Variants in SPOCK3 observed in about 807,000 individuals in gnomAD.
The protein encoded by SPOCK3 is SPARC (osteonectin), cwcv and kazal like domains proteoglycan 3, also known as testican-3.
Under a neutral mutation model 56.6 loss-of-function variants are expected in SPOCK3, and 30 were observed. The ratio of observed to expected loss-of-function variants is 0.53; its 90% confidence interval spans 0.40 to 0.72. The LOEUF (loss-of-function observed/expected upper bound fraction) is 0.72, where lower values mean the gene tolerates loss of function less well. Among genes scored for constraint, SPOCK3 ranks in the 30% least tolerant of loss-of-function variants. The pLI is 0.00. For missense variants in SPOCK3, 527 were observed against 530.0 expected (o/e 0.99, Z 0.06); for synonymous variants, 196 against 183.3 (o/e 1.07, Z -0.56).
At chr4:167,226,758 G>C (rs1275000520) in intron 2 of SPOCK3, among the ~76,000 whole-genome samples, 6 of 152,058 alleles carry the variant, frequency 3.9e-5, no homozygotes, top group Admixed American at 3.3e-4. Flanking sequence ...AACGCCTCCT[G>C]TTAGATAGGA....
At chr4:167,046,098 G>T (rs1561156132) in intron 3 of SPOCK3, among the ~76,000 whole-genome samples, 1 of 151,502 alleles carries the variant, frequency 6.6e-6, no homozygotes, top group Non-Finnish European at 1.5e-5. Flanking sequence ...CTTCTAACTT[G>T]TTTTTTTTAC....
At chr4:166,837,748 C>A (rs1746783008) in intron 6 of SPOCK3, among the ~76,000 whole-genome samples, 1 of 152,216 alleles carries the variant, frequency 6.6e-6, no homozygotes, top group South Asian at 2.1e-4. Flanking sequence ...TTGACTTTTA[C>A]TTTTTTGTAC....
intron 5 of SPOCK3, among the ~76,000 whole-genome samples, chr4:166,899,720 T>C (rs1193846653): frequency 6.6e-6 from 1 of 152,058 alleles, no homozygotes; most frequent in East Asian, 1.9e-4. Context: ...TTTCACCATA[T>C]TGGCCAGGCT....
At chr4:166,795,663 A>C (rs2126668821) in intron 6 of SPOCK3, among the ~76,000 whole-genome samples, 1 of 150,944 alleles carries the variant, frequency 6.6e-6, no homozygotes, top group African/African-American at 2.5e-5. Context: ...TTTAAATATT[A>C]ATAAAGTTGA....
chr4:166,840,494 T>C (rs1319626154), intron 6 of SPOCK3, among the ~76,000 whole-genome samples: 1 of 152,222 alleles, frequency 6.6e-6, no homozygotes, highest in Non-Finnish European at 1.5e-5. Context: ...TCTGTTTGTT[T>C]ATCTGTGCTC....
At chr4:166,995,257 G>GTGTA (rs143410658) in intron 4 of SPOCK3, among the ~76,000 whole-genome samples, 1 of 151,578 alleles carries the variant, frequency 6.6e-6, no homozygotes, top group Non-Finnish European at 1.5e-5. Flanking sequence ...GTATGTGTGT[G>GTGTA]TGTGTGCATA....
intron 4 of SPOCK3, among the ~76,000 whole-genome samples, chr4:166,982,161 A>G (rs997116965): frequency 6.6e-6 from 1 of 152,114 alleles, no homozygotes; most frequent in African/African-American, 2.4e-5. Context: ...CTCTGGCTCC[A>G]TGGAGCATGT....
intron 4 of SPOCK3, among the ~76,000 whole-genome samples, chr4:166,942,475 AAAAAAAAAAAACAAAAGTT>A (rs1741206847): frequency 6.6e-6 from 1 of 150,956 alleles, no homozygotes; most frequent in Non-Finnish European, 1.5e-5. Flanking sequence ...TCCACTTAAA[AAAAAAAAAAAACAAAAGTT>A]AAAAAAAAAA....
intron 4 of SPOCK3, among the ~76,000 whole-genome samples, chr4:166,992,295 T>C (rs1426838810): frequency 6.6e-6 from 1 of 152,142 alleles, no homozygotes; most frequent in Admixed American, 6.6e-5. Flanking sequence ...TATCCACATG[T>C]TGTTTTCATA....
At chr4:166,912,197 GT>G (rs1024163224) in intron 5 of SPOCK3, among the ~76,000 whole-genome samples, 47 of 151,984 alleles carry the variant, frequency 3.1e-4, no homozygotes, top group Non-Finnish European at 5.6e-4. Context: ...CTCTGATCCT[GT>G]TTTTTTCATC....
At chr4:166,903,652 TG>T (rs1357440802) in intron 5 of SPOCK3, among the ~76,000 whole-genome samples, 4 of 144,368 alleles carry the variant, frequency 2.8e-5, no homozygotes, top group African/African-American at 1.1e-4. Flanking sequence ...TATTGACAGG[TG>T]TTTTGTTTTT....
intron 2 of SPOCK3, among the ~76,000 whole-genome samples, chr4:167,097,233 A>G (rs931677859): frequency 6.6e-6 from 1 of 151,742 alleles, no homozygotes; most frequent in Non-Finnish European, 1.5e-5. Context: ...CTATTTGTTC[A>G]TGTCATTTTT....
At chr4:166,897,627 C>A (rs1286989346) in intron 5 of SPOCK3, among the ~76,000 whole-genome samples, 5 of 152,104 alleles carry the variant, frequency 3.3e-5, no homozygotes, top group Non-Finnish European at 7.4e-5. Flanking sequence ...GCACTAAGTA[C>A]AATATTCTTT....
intron 6 of SPOCK3, among the ~76,000 whole-genome samples, chr4:166,823,218 T>C (rs981411538): frequency 6.6e-6 from 1 of 152,024 alleles, no homozygotes; most frequent in Admixed American, 6.6e-5. Flanking sequence ...GTCAAAGTGA[T>C]AAACACTTTC....
intron 5 of SPOCK3, among the ~76,000 whole-genome samples, chr4:166,897,248 T>C (rs898369678): frequency 6.6e-6 from 1 of 152,072 alleles, no homozygotes; most frequent in African/African-American, 2.4e-5. Flanking sequence ...CCTATTATTG[T>C]GTAGTGTTGG....
intron 4 of SPOCK3, among the ~76,000 whole-genome samples, chr4:166,953,337 C>T (rs1412241305): frequency 6.6e-6 from 1 of 152,138 alleles, no homozygotes; most frequent in Non-Finnish European, 1.5e-5. Context: ...TGAAAAAATG[C>T]TCACCATCAC....
chr4:167,078,004 C>T (rs1371942706), intron 2 of SPOCK3, among the ~76,000 whole-genome samples: 1 of 151,868 alleles, frequency 6.6e-6, no homozygotes, highest in African/African-American at 2.4e-5. Flanking sequence ...ATAGTCTCTG[C>T]TCTCATGTAA....
intron 6 of SPOCK3, among the ~76,000 whole-genome samples, chr4:166,867,231 A>G (rs1398080927): frequency 3.9e-5 from 6 of 152,044 alleles, no homozygotes; most frequent in African/African-American, 1.4e-4. Context: ...GACATTCTGG[A>G]TGAATATCAC....
chr4:167,194,105 C>T (rs1732715142), intron 2 of SPOCK3, among the ~76,000 whole-genome samples: 1 of 147,926 alleles, frequency 6.8e-6, no homozygotes. Flanking sequence ...ATTTTCTGTT[C>T]AGTTGGTTCC....
Sources: allele counts gnomAD v4.1 joint callset (sites outside exome capture counted in the v4.1 genomes callset), GRCh38; gene constraint gnomAD v4.1.1; transcripts MANE v1.5; gene names NCBI Gene and HGNC (gene_info 2026-07-23, HGNC 2026-07-21).